Variants in RBFOX1 observed in about 807,000 individuals in gnomAD.
RBFOX1 encodes RNA binding protein fox-1 homolog 1.
Under a neutral mutation model 57.7 loss-of-function variants are expected in RBFOX1, and 8 were observed. The observed-to-expected ratio is 0.14, with a 90% CI of 0.08 to 0.25. The LOEUF (loss-of-function observed/expected upper bound fraction) is 0.25, where lower values mean the gene tolerates loss of function less well. RBFOX1 is among the 10% of genes least tolerant of loss of function. The probability of loss-of-function intolerance (pLI) is 1.00; values close to 1 mark genes in which losing one functional copy is unlikely to be tolerated. For synonymous variants in RBFOX1, 326 were observed against 222.4 expected, an observed-to-expected ratio of 1.47 and a Z score of -4.15; for missense variants, 611 against 548.5, an observed-to-expected ratio of 1.11 and a Z score of -1.14.
chr16:5,244,417 C>T (rs1045052411), intron 1 of RBFOX1, among the ~76,000 whole-genome samples: 4 of 152,178 alleles, frequency 2.6e-5, no homozygotes, highest in African/African-American at 9.7e-5. Flanking sequence ...GTCCAGGATT[C>T]CAGGAGGCAG....
chr16:6,917,668 A>T (rs773680977), intron 3 of RBFOX1, among the ~76,000 whole-genome samples: 13 of 152,292 alleles, frequency 8.5e-5, no homozygotes, highest in Non-Finnish European at 1.3e-4. Context: ...TGCTGTTTTG[A>T]AGGAGGGTCT....
chr16:7,707,638 C>T (rs2082910385), intron 14 of RBFOX1, among the ~76,000 whole-genome samples: 1 of 152,142 alleles, frequency 6.6e-6, no homozygotes, highest in African/African-American at 2.4e-5. Flanking sequence ...AAAATTGCCC[C>T]ATGTCAGAGG....
intron 4 of RBFOX1, among the ~76,000 whole-genome samples, chr16:5,893,778 C>G (rs2058097642): frequency 6.6e-6 from 1 of 151,280 alleles, no homozygotes; most frequent in African/African-American, 2.4e-5. Context: ...TGCACTCCAG[C>G]CTGGGTGACA....
Position 5,909,974 on chromosome 16 carries a change from A to G in RBFOX1, c.351+42639A>G, listed in dbSNP as rs144909889. On this transcript the variant is annotated intron_variant, in intron 4 of 19. Coordinates refer to the RBFOX1 transcript ENST00000641259. ...AGGCTAAGGCAGGAGAGTCACTTGA[A>G]CCTGGGAGGCGGAGGTTGCAGTGAG... 9.9e-4 allele frequency among the ~76,000 whole-genome samples: 150 copies of G among 152,146 alleles called. No individual in the cohort carries two copies. The East Asian group carries it at 0.025, about 25-fold the overall frequency.
intron 4 of RBFOX1, among the ~76,000 whole-genome samples, chr16:5,918,457 A>C (rs1361857612): frequency 6.6e-6 from 1 of 152,132 alleles, no homozygotes; most frequent in Non-Finnish European, 1.5e-5. Flanking sequence ...TGTGTGTGCA[A>C]CTTGACATCC....
chr16:5,536,617 G>C (rs58852570), intron 2 of RBFOX1, among the ~76,000 whole-genome samples: 5,543 of 152,122 alleles, frequency 0.036, 159 homozygotes, highest in African/African-American at 0.069. Flanking sequence ...GTTTGTTATG[G>C]GTGATGTCAG....
At chr16:7,683,402 G>C (rs77801714) in intron 14 of RBFOX1, among the ~76,000 whole-genome samples, 2,640 of 151,860 alleles carry the variant, frequency 0.017, 26 homozygotes, top group Non-Finnish European at 0.027. Flanking sequence ...ATTGCCTTTG[G>C]TCCATAATCT....
At chr16:5,723,197 G>T (rs568869420) in intron 3 of RBFOX1, among the ~76,000 whole-genome samples, 6 of 152,178 alleles carry the variant, frequency 3.9e-5, no homozygotes, top group African/African-American at 9.7e-5. Flanking sequence ...AATCACAACG[G>T]GATCCTCCTC....
chr16:7,162,470 C>T lies in RBFOX1; in HGVS notation c.27+110372C>T, dbSNP rs2078530944. On this transcript the variant is annotated intron_variant, in intron 4 of 15. Transcript: ENST00000550418. ...GACTTCTGGGCGCAGTAACTCACGC[C>T]TGTAACCCCAGCACTTTGAGAGGTT... 2.0e-5 allele frequency among the ~76,000 whole-genome samples: 3 copies of T among 151,732 alleles called. No homozygotes were observed. In the South Asian group the frequency reaches 6.3e-4, roughly 32 times the overall value.
chr16:6,191,387 G>C (rs1050356157), intron 1 of RBFOX1, among the ~76,000 whole-genome samples: 1 of 152,144 alleles, frequency 6.6e-6, no homozygotes, highest in African/African-American at 2.4e-5. Context: ...TCACTGGCAA[G>C]TGAGGCCAGA....
chr16:6,190,815 A>T (rs552076675), intron 1 of RBFOX1, among the ~76,000 whole-genome samples: 1 of 152,174 alleles, frequency 6.6e-6, no homozygotes, highest in Non-Finnish European at 1.5e-5. Context: ...AAAGAATTCT[A>T]AAAGGTTTAA....
chr16:7,067,309 A>G (rs1312711199), intron 4 of RBFOX1, among the ~76,000 whole-genome samples: 1 of 18,232 alleles, frequency 5.5e-5, no homozygotes, highest in Non-Finnish European at 1.7e-4. Context: ...AAATTACCAC[A>G]AAAAAAATAG....
rs185557958 is a variant in RBFOX1, at chr16:7,230,260, A to C, written c.27+178162A>C. Among the ~76,000 whole-genome samples the C allele has an allele frequency of 1.5e-3, 235 of 152,256 alleles. 4 individuals are homozygous for C. Among genetic ancestry groups the C allele is most frequent in the Admixed American group, 0.014 (210 of 15,298 alleles). Reference sequence around the variant, plus strand: ...TGATGACTAGTAAAAACCCAAACAAAATAAACAAACAGAAAGTACCTGCCG... The same window carrying C: ...TGATGACTAGTAAAAACCCAAACAACATAAACAAACAGAAAGTACCTGCCG... On this transcript the variant is annotated intron_variant, in intron 4 of 15. Transcript: ENST00000550418.
intron 1 of RBFOX1, among the ~76,000 whole-genome samples, chr16:6,249,248 G>GA (rs1248630050): frequency 6.6e-6 from 1 of 151,946 alleles, no homozygotes; most frequent in Non-Finnish European, 1.5e-5. Flanking sequence ...TTGAGAGCAG[G>GA]AAAAAAAGAG....
intron 3 of RBFOX1, among the ~76,000 whole-genome samples, chr16:6,799,251 C>G (rs985913045): frequency 6.6e-6 from 1 of 152,106 alleles, no homozygotes; most frequent in African/African-American, 2.4e-5. Flanking sequence ...ATAGACACAG[C>G]AGGGCCACCC....
chr16:6,314,219 C>G (rs562463732), intron 1 of RBFOX1, among the ~76,000 whole-genome samples: 3 of 152,280 alleles, frequency 2.0e-5, no homozygotes, highest in Admixed American at 2.0e-4. Context: ...AAGGAAGAAT[C>G]ACTTGTTAGG....
chr16:5,760,409 T>C (rs779637251), intron 3 of RBFOX1, among the ~76,000 whole-genome samples: 4 of 152,018 alleles, frequency 2.6e-5, no homozygotes, highest in Non-Finnish European at 5.9e-5. Context: ...CACACATACA[T>C]ATATACCCCC....
intron 4 of RBFOX1, among the ~76,000 whole-genome samples, chr16:5,922,217 C>G (rs1449608501): frequency 1.3e-5 from 2 of 152,150 alleles, no homozygotes; most frequent in South Asian, 4.1e-4. Flanking sequence ...AGCGAGAACT[C>G]ACTCATCACC....
At chr16:6,715,161 T>G (rs1398654667) in intron 3 of RBFOX1, among the ~76,000 whole-genome samples, 1 of 152,152 alleles carries the variant, frequency 6.6e-6, no homozygotes, top group Non-Finnish European at 1.5e-5. Flanking sequence ...ATAAAGACTT[T>G]AAGAAACCCT....
Sources: allele counts gnomAD v4.1 joint callset (sites outside exome capture counted in the v4.1 genomes callset), GRCh38; gene constraint gnomAD v4.1.1; transcripts MANE v1.5; gene names NCBI Gene and HGNC (gene_info 2026-07-23, HGNC 2026-07-21).